SPATA33: variants seen among roughly 807,000 people sequenced by gnomAD.
SPATA33 encodes the protein spermatogenesis-associated protein 33.
Under a neutral mutation model 8.9 loss-of-function variants are expected in SPATA33, and 10 were observed. That is an observed-to-expected ratio of 1.12 (90% CI 0.69 to 1.90). The LOEUF (loss-of-function observed/expected upper bound fraction) is 1.90, where lower values mean the gene tolerates loss of function less well. Among genes scored for constraint, SPATA33 ranks in the 40% most tolerant of loss-of-function variants. SPATA33 has a pLI of 0.00. For missense variants in SPATA33, 241 were observed against 178.3 expected, an observed-to-expected ratio of 1.35 and a Z score of -2.00; for synonymous variants, 96 against 72.8, an observed-to-expected ratio of 1.32 and a Z score of -1.63.
chr16:89,663,809 T>C (rs1410664335), intron 2 of SPATA33, among the ~76,000 whole-genome samples: 1 of 152,150 alleles, frequency 6.6e-6, no homozygotes, highest in Non-Finnish European at 1.5e-5. Flanking sequence ...ATAATGGTAC[T>C]ATAGTTATAT....
intron 2 of SPATA33, among the ~76,000 whole-genome samples, chr16:89,661,861 G>A (rs2059970066): frequency 6.6e-6 from 1 of 152,168 alleles, no homozygotes; most frequent in African/African-American, 2.4e-5. Flanking sequence ...GAGACAGTCA[G>A]ATTGGGTATT....
chr16:89,666,557 G>T (rs138854656), intron 2 of SPATA33, among the ~76,000 whole-genome samples: 2 of 152,210 alleles, frequency 1.3e-5, no homozygotes, highest in East Asian at 1.9e-4. Flanking sequence ...CCACAGGGTC[G>T]GTGGGTTTTC....
chr16:89,660,429 C>CT, intron 2 of SPATA33: 1 of 1,226,306 alleles, frequency 8.2e-7, no homozygotes, highest in Non-Finnish European at 1.0e-6. Flanking sequence ...CCAGCAGTGT[C>CT]TGTCACACCA....
intron 2 of SPATA33, among the ~76,000 whole-genome samples, chr16:89,666,506 TTTCAAAATTAGGTGGGTG>T (rs1207470730): frequency 6.6e-6 from 1 of 151,990 alleles, no homozygotes; most frequent in Non-Finnish European, 1.5e-5. Context: ...CTACAAAAAA[TTTCAAAATTAGGTGGGTG>T]TGGTGGTGTG....
At chr16:89,667,941 T>C (rs447735) in intron 2 of SPATA33, 49,896 of 152,204 alleles carry the variant, frequency 0.33, 10,126 homozygotes, top group Middle Eastern at 0.62. Context: ...GAAATATGGG[T>C]TGTCAGAGAC....
At chr16:89,665,622 C>G (rs549136115) in intron 2 of SPATA33, among the ~76,000 whole-genome samples, 2 of 152,164 alleles carry the variant, frequency 1.3e-5, no homozygotes, top group Non-Finnish European at 2.9e-5. Flanking sequence ...CCTAATATTT[C>G]TAAATGAAGA....
chr16:89,658,218 C>A (rs765797891), intron 1 of SPATA33, 30 bp from the exon 2 acceptor site: 5 of 1,612,930 alleles, frequency 3.1e-6, no homozygotes, highest in Non-Finnish European at 4.2e-6. Flanking sequence ...CGGTAAGTCC[C>A]GGGTCTAACG....
Position 89,669,533 on chromosome 16 carries a change from G to T in SPATA33, c.*36G>T, listed in dbSNP as rs17177773. On this transcript the variant is annotated 3_prime_UTR_variant, in exon 3 of 3. Transcript: ENST00000579310. The stretch of plus-strand genomic sequence containing the variant: ...TTGCATGGCACTCGCTACTCCCTGC[G>T]ATAGGCGTCTCGGGAACAGCCGCCT... The T allele has an allele frequency of 2.5e-6, 4 of 1,597,034 alleles. No homozygotes were observed. Among genetic ancestry groups the T allele is most frequent in the Non-Finnish European group, 2.6e-6 (3 of 1,168,930 alleles).
chr16:89,664,627 T>C (rs1163576761), intron 2 of SPATA33, among the ~76,000 whole-genome samples: 6 of 148,398 alleles, frequency 4.0e-5, no homozygotes, highest in Non-Finnish European at 1.5e-5. Flanking sequence ...CCCGACCTGA[T>C]CAGGGAAGCC....
intron 2 of SPATA33, among the ~76,000 whole-genome samples, chr16:89,662,260 C>T (rs990540907): frequency 2.7e-5 from 4 of 150,782 alleles, no homozygotes; most frequent in Non-Finnish European, 5.9e-5. Flanking sequence ...TCCCACTGCA[C>T]TCCAGCCTGG....
In SPATA33 at chr16:89,669,280, C is replaced by T. The variant is rs534491802; in HGVS notation, c.212-6C>T. ...CTACTAAATGCCTGGATGTTTTTTC[C>T]TCTAGAGAAACCTGATGTAAAGCAA... On this transcript the variant is annotated splice_region_variant and splice_polypyrimidine_tract_variant and intron_variant, in intron 2 of 2. Transcript: ENST00000579310. The T allele has an allele frequency of 2.1e-5, 34 of 1,613,968 alleles. No individual in the cohort carries two copies. In the East Asian group the frequency reaches 6.7e-4, roughly 32 times the overall value.
At chr16:89,660,835 C>T (rs938229177) in intron 2 of SPATA33, 14 of 1,157,894 alleles carry the variant, frequency 1.2e-5, no homozygotes, top group Non-Finnish European at 1.4e-5. Context: ...GTCCTGGTCC[C>T]TAAGCCCTTC....
rs2060073384 is a variant in SPATA33 at position 89,669,608 on chromosome 16, C to T, written c.*111C>T. Reference sequence around the variant, plus strand: ...TTCTCCAGTGCTCTCGGGGAGGTTGCACCAGGCCCACCCCACCCTGTGAGA... The same window carrying T: ...TTCTCCAGTGCTCTCGGGGAGGTTGTACCAGGCCCACCCCACCCTGTGAGA... On this transcript the variant is annotated 3_prime_UTR_variant, in exon 3 of 3. Coordinates refer to ENST00000579310, the MANE Select transcript of SPATA33 (RefSeq NM_001271907.2). 2.9e-6 allele frequency: 3 copies of T among 1,033,854 alleles called. No individual in the cohort carries two copies. The highest frequency in any genetic ancestry group is 3.0e-5 in the South Asian group (2 of 66,098). The allele number at this position is 1,033,854 out of a possible 1,614,324, so 64.0% of individuals were successfully genotyped here.
chr16:89,665,668 T>C (rs571529299), intron 2 of SPATA33, among the ~76,000 whole-genome samples: 1 of 152,306 alleles, frequency 6.6e-6, no homozygotes, highest in Non-Finnish European at 1.5e-5. Context: ...AAGTCTTGTT[T>C]TAGACTAGAA....
intron 2 of SPATA33, among the ~76,000 whole-genome samples, chr16:89,662,829 T>C (rs2059980988): frequency 6.6e-6 from 1 of 152,050 alleles, no homozygotes; most frequent in African/African-American, 2.4e-5. Flanking sequence ...AGTCTTGCTC[T>C]GTTGCCCAGG....
At chr16:89,660,226 G>T in intron 2 of SPATA33, 1 of 294,218 alleles carries the variant, frequency 3.4e-6, no homozygotes, top group Non-Finnish European at 6.3e-6. Flanking sequence ...TGCATCTACT[G>T]CAAAGGCATT....
chr16:89,661,328 T>A, intron 2 of SPATA33: 1 of 472,282 alleles, frequency 2.1e-6, no homozygotes, highest in Non-Finnish European at 2.8e-6. Flanking sequence ...TTCGTGATAG[T>A]GAATGAGTGT....
chr16:89,658,099 C>G, intron 1 of SPATA33, 149 bp from the exon 2 acceptor site: 9 of 1,487,140 alleles, frequency 6.1e-6, no homozygotes, highest in Non-Finnish European at 7.1e-6. Flanking sequence ...ACGGACGGCG[C>G]GTTTCCCGCC....
intron 2 of SPATA33, among the ~76,000 whole-genome samples, chr16:89,666,049 C>G (rs1298053587): frequency 6.6e-6 from 1 of 151,942 alleles, no homozygotes; most frequent in East Asian, 1.9e-4. Context: ...CCACTGCACT[C>G]CAGCCTGGGC....
Sources: gnomAD v4.1 joint callset for allele counts (sites outside exome capture counted in the v4.1 genomes callset) on GRCh38, gnomAD v4.1.1 for gene constraint, MANE v1.5 for transcripts, NCBI Gene and HGNC (gene_info 2026-07-23, HGNC 2026-07-21) for gene names.